The following HOMER2 variants were observed in gnomAD, a reference collection of about 807,000 sequenced individuals.
HOMER2 encodes homer scaffold protein 2, also known as homer protein homolog 2.
Under a neutral mutation model 47.0 loss-of-function variants are expected in HOMER2, and 27 were observed. That is an observed-to-expected ratio of 0.57 (90% CI 0.42 to 0.79). The LOEUF (loss-of-function observed/expected upper bound fraction) is 0.79. Ranked by LOEUF, HOMER2 falls within the 30% of genes least tolerant of loss-of-function variation. The pLI is 0.00. For missense variants in HOMER2, 443 were observed against 435.0 expected (o/e 1.02, Z -0.16); for synonymous variants, 161 against 163.8 (o/e 0.98, Z 0.13).
intron 6 of HOMER2, among the ~76,000 whole-genome samples, chr15:82,854,140 C>T (rs1170173305): frequency 6.6e-6 from 1 of 152,194 alleles, no homozygotes; most frequent in Non-Finnish European, 1.5e-5. Flanking sequence ...CACAGTGGTT[C>T]ACGCCTGTAA....
At chr15:82,928,013 T>C (rs2053898837) in intron 1 of HOMER2, among the ~76,000 whole-genome samples, 1 of 150,162 alleles carries the variant, frequency 6.7e-6, no homozygotes, top group Non-Finnish European at 1.5e-5. Flanking sequence ...GCTAGGCTAC[T>C]TCTGCCCCTC....
chr15:82,872,917 G>C (rs2052225476), intron 3 of HOMER2, among the ~76,000 whole-genome samples: 1 of 152,230 alleles, frequency 6.6e-6, no homozygotes, highest in Admixed American at 6.5e-5. Context: ...AATGGAACCA[G>C]AGCCTGAAAA....
At chr15:82,980,603 T>G (rs2030359635) in intron 1 of HOMER2, among the ~76,000 whole-genome samples, 1 of 152,164 alleles carries the variant, frequency 6.6e-6, no homozygotes. Context: ...TCTCCTTTTG[T>G]GGCCACCCCT....
Position 82,929,133 on chromosome 15 carries a change from T to C in HOMER2, c.5+23398A>G, listed in dbSNP as rs1416492493. Among the ~76,000 whole-genome samples the C allele has an allele frequency of 2.0e-5, 3 of 152,140 alleles. 1 individual carries two copies. Among genetic ancestry groups the C allele is most frequent in the South Asian group, 4.1e-4 (2 of 4,828 alleles). On this transcript the variant is annotated intron_variant, in intron 1 of 8. Transcript: ENST00000450735. The stretch of plus-strand genomic sequence containing the variant: ...AGATTAGTATCAATACAGCCGATCA[T>C]AGACCCAGCCTAACAGGCTTAACTT...
intron 1 of HOMER2, among the ~76,000 whole-genome samples, chr15:82,904,567 A>G (rs998109685): frequency 3.3e-5 from 5 of 152,220 alleles, no homozygotes; most frequent in Non-Finnish European, 5.9e-5. Flanking sequence ...GCCTGCCCTC[A>G]GGAGAAACTA....
In HOMER2 at chr15:82,851,314, G is replaced by A. The variant is rs765871681; in HGVS notation, c.763-83C>T. The A allele has an allele frequency of 1.3e-4, 122 of 933,432 alleles. 1 individual carries two copies. Among genetic ancestry groups the A allele is most frequent in the South Asian group, 3.9e-4 (27 of 69,862 alleles). The allele number at this position is 933,432 out of a possible 1,614,324, so 57.8% of individuals were successfully genotyped here. On this transcript the variant is annotated intron_variant, in intron 7 of 8. Coordinates refer to ENST00000450735, the MANE Select transcript of HOMER2 (RefSeq NM_004839.4). The stretch of plus-strand genomic sequence containing the variant: ...GAAAATCACCAATGTGTGCACGCTC[G>A]TGGAAGCAGCTTTGGGACCCTGTCC...
chr15:82,926,513 C>A (rs2053856078), intron 1 of HOMER2: 1 of 152,198 alleles, frequency 6.6e-6, no homozygotes, highest in Non-Finnish European at 1.5e-5. Flanking sequence ...CATGGTGAAA[C>A]CTCGTCTCTA....
chr15:82,856,458 T>A (rs1258292964), intron 5 of HOMER2, among the ~76,000 whole-genome samples: 1 of 151,574 alleles, frequency 6.6e-6, no homozygotes, highest in Non-Finnish European at 1.5e-5. Context: ...TCTACAAAAA[T>A]AAAAATAAAA....
At chr15:82,929,472 A>G (rs1282206728) in intron 1 of HOMER2, among the ~76,000 whole-genome samples, 1 of 151,952 alleles carries the variant, frequency 6.6e-6, no homozygotes, top group Non-Finnish European at 1.5e-5. Context: ...CCTGCCCAAC[A>G]TGGAGAAACC....
intron 2 of HOMER2, among the ~76,000 whole-genome samples, chr15:82,889,154 C>T (rs952733088): frequency 6.6e-6 from 1 of 152,184 alleles, no homozygotes; most frequent in South Asian, 2.1e-4. Context: ...AGACACAGCC[C>T]CAAAAGCTAA....
At chr15:82,935,667 A>G (rs2054126326) in intron 1 of HOMER2, among the ~76,000 whole-genome samples, 1 of 152,120 alleles carries the variant, frequency 6.6e-6, no homozygotes, top group Admixed American at 6.5e-5. Flanking sequence ...TCCTAGTGGC[A>G]TAACCTAAAA....
At chr15:82,978,703 T>A (rs1347211642) in intron 1 of HOMER2, among the ~76,000 whole-genome samples, 1 of 151,988 alleles carries the variant, frequency 6.6e-6, no homozygotes, top group African/African-American at 2.4e-5. Flanking sequence ...TGATAGTGGG[T>A]AAGTTCTCAT....
At chr15:82,890,765 A>G (rs2052677834) in intron 2 of HOMER2, among the ~76,000 whole-genome samples, 1 of 152,236 alleles carries the variant, frequency 6.6e-6, no homozygotes, top group African/African-American at 2.4e-5. Context: ...ACAAAAGTAC[A>G]AACCCATCGA....
At chr15:82,875,248 T>C in intron 3 of HOMER2, 25 bp downstream of exon 3, 1 of 1,611,456 alleles carries the variant, frequency 6.2e-7, no homozygotes, top group Non-Finnish European at 8.5e-7. Flanking sequence ...CGGGATTTAC[T>C]GCACTGTGGA....
chr15:82,945,895 A>G (rs1385642163), intron 1 of HOMER2, among the ~76,000 whole-genome samples: 1 of 152,128 alleles, frequency 6.6e-6, no homozygotes, highest in East Asian at 1.9e-4. Context: ...GCTTGAACCC[A>G]AGAGGCGGAG....
At chr15:82,861,059 T>A (rs1420789912) in intron 4 of HOMER2, among the ~76,000 whole-genome samples, 3 of 152,036 alleles carry the variant, frequency 2.0e-5, no homozygotes, top group African/African-American at 4.8e-5. Flanking sequence ...AGACTTTTCA[T>A]CTGTCAAATT....
chr15:82,945,723 C>A (rs1419919988), intron 1 of HOMER2, among the ~76,000 whole-genome samples: 2 of 151,904 alleles, frequency 1.3e-5, no homozygotes, highest in African/African-American at 4.8e-5. Context: ...GTAATCCCAA[C>A]ATTTTGGGAG....
chr15:82,874,402 C>T (rs1382954257), intron 3 of HOMER2, among the ~76,000 whole-genome samples: 1 of 152,184 alleles, frequency 6.6e-6, no homozygotes, highest in African/African-American at 2.4e-5. Flanking sequence ...ACAAAGGGCT[C>T]TTCTACCACC....
intron 1 of HOMER2, among the ~76,000 whole-genome samples, chr15:82,905,177 A>G (rs2053250208): frequency 6.6e-6 from 1 of 152,140 alleles, no homozygotes; most frequent in Non-Finnish European, 1.5e-5. Context: ...GGCTGAGGAA[A>G]GAACCTTTCT....
Sources: allele counts gnomAD v4.1 joint callset (sites outside exome capture counted in the v4.1 genomes callset), GRCh38; gene constraint gnomAD v4.1.1; transcripts MANE v1.5; gene names NCBI Gene and HGNC (gene_info 2026-07-23, HGNC 2026-07-21).